The following DOCK9 variants were observed in gnomAD, a reference collection of about 807,000 sequenced individuals.
DOCK9 encodes the protein dedicator of cytokinesis protein 9.
In DOCK9, 89 loss-of-function variants were observed where a neutral mutation model predicts 263.3. That is an observed-to-expected ratio of 0.34 (90% CI 0.28 to 0.40). The LOEUF is 0.40. Among genes scored for constraint, DOCK9 ranks in the 10% least tolerant of loss-of-function variants. The pLI, the probability that DOCK9 is intolerant of heterozygous loss-of-function variation, is 1.00. For synonymous variants in DOCK9, 976 were observed against 973.1 expected (o/e 1.00, Z -0.06); for missense variants, 2,140 against 2,603.4 (o/e 0.82, Z 3.87).
chr13:98,823,859 G>T (rs562968025), intron 45 of DOCK9, among the ~76,000 whole-genome samples: 5 of 152,298 alleles, frequency 3.3e-5, no homozygotes, highest in African/African-American at 1.2e-4. Context: ...GTCTCTGTAG[G>T]GGGTGCGACA....
intron 1 of DOCK9, among the ~76,000 whole-genome samples, chr13:99,082,564 T>TAAAA (rs200598443): frequency 1.4e-3 from 31 of 22,960 alleles, no homozygotes; most frequent in East Asian, 0.012. Context: ...AATAAATAAA[T>TAAAA]AAAAAAAAAC....
At chr13:98,800,174 G>T in intron 50 of DOCK9, 114 bp downstream of exon 50, 1 of 1,136,816 alleles carries the variant, frequency 8.8e-7, no homozygotes, top group Non-Finnish European at 1.2e-6. Flanking sequence ...AGGGAGCAGG[G>T]ATCACTTGGT....
intron 1 of DOCK9, among the ~76,000 whole-genome samples, chr13:99,009,248 T>C (rs1037286926): frequency 3.3e-5 from 5 of 152,190 alleles, no homozygotes; most frequent in Non-Finnish European, 5.9e-5. Flanking sequence ...AGCAGGGCAA[T>C]CTTAGTTATG....
At chr13:98,938,630 T>C (rs2055295952) in intron 2 of DOCK9, among the ~76,000 whole-genome samples, 4 of 152,242 alleles carry the variant, frequency 2.6e-5, no homozygotes, top group African/African-American at 7.2e-5. Flanking sequence ...AGATTCACTA[T>C]GTAGATTTAA....
At chr13:99,048,118 T>A (rs539655116) in intron 1 of DOCK9, among the ~76,000 whole-genome samples, 1 of 152,374 alleles carries the variant, frequency 6.6e-6, no homozygotes, top group East Asian at 1.9e-4. Flanking sequence ...TTCCATTGTA[T>A]TTTAAAGTTA....
intron 1 of DOCK9, among the ~76,000 whole-genome samples, chr13:98,998,756 C>A (rs1881621591): frequency 6.6e-6 from 1 of 152,152 alleles, no homozygotes; most frequent in Admixed American, 6.6e-5. Flanking sequence ...CCTCATCTCA[C>A]CCTCCAATGA....
intron 1 of DOCK9, among the ~76,000 whole-genome samples, chr13:99,064,977 G>A (rs1043405578): frequency 5.9e-5 from 9 of 152,178 alleles, no homozygotes; most frequent in African/African-American, 1.7e-4. Flanking sequence ...ATCTGAAAGC[G>A]AAGGACCAGA....
At chr13:98,879,230 G>A (rs748906336) in intron 27 of DOCK9, among the ~76,000 whole-genome samples, 1 of 152,172 alleles carries the variant, frequency 6.6e-6, no homozygotes, top group Non-Finnish European at 1.5e-5. Context: ...CCAGAGACAA[G>A]ACCAGTCATC....
At chr13:99,015,461 T>G (rs1885252720) in intron 1 of DOCK9, 10 of 1,595,208 alleles carry the variant, frequency 6.3e-6, no homozygotes, top group Non-Finnish European at 7.6e-6. Flanking sequence ...CAGGAGGAGA[T>G]CAATAGTTCT....
At chr13:99,065,050 CCACACTCCCAG>C in intron 1 of DOCK9, among the ~76,000 whole-genome samples, 1 of 152,232 alleles carries the variant, frequency 6.6e-6, no homozygotes, top group African/African-American at 2.4e-5. Context: ...TTCTGCATCA[CCACACTCCCAG>C]CACAGTCACG....
At chr13:99,022,031 T>C (rs1402439431) in intron 1 of DOCK9, among the ~76,000 whole-genome samples, 2 of 152,180 alleles carry the variant, frequency 1.3e-5, no homozygotes, top group Non-Finnish European at 2.9e-5. Flanking sequence ...AAGTACATTT[T>C]AAATAAAAGT....
chr13:98,809,765 GCT>G (rs1229524448), intron 46 of DOCK9, among the ~76,000 whole-genome samples: 6 of 152,160 alleles, frequency 3.9e-5, no homozygotes, highest in Admixed American at 3.9e-4. Context: ...TGCTTTTCCT[GCT>G]CTGTTTGATA....
intron 1 of DOCK9, among the ~76,000 whole-genome samples, chr13:98,956,639 C>T (rs1385342757): frequency 6.6e-6 from 1 of 151,900 alleles, no homozygotes; most frequent in Non-Finnish European, 1.5e-5. Context: ...CCCAGCTACT[C>T]GGGAGGCCGA....
At chr13:98,984,177 G>A (rs151305557) in intron 1 of DOCK9, among the ~76,000 whole-genome samples, 2 of 152,350 alleles carry the variant, frequency 1.3e-5, no homozygotes, top group Non-Finnish European at 2.9e-5. Context: ...GAGGCCTGGA[G>A]TGAGGAGCTA....
At chr13:98,990,240 G>A (rs899526250) in intron 1 of DOCK9, among the ~76,000 whole-genome samples, 3 of 152,148 alleles carry the variant, frequency 2.0e-5, no homozygotes, top group South Asian at 2.1e-4. Context: ...CACGTCTTCC[G>A]TATGCATTCT....
At chr13:98,879,076 C>A (rs981143073) in intron 27 of DOCK9, among the ~76,000 whole-genome samples, 1 of 152,208 alleles carries the variant, frequency 6.6e-6, no homozygotes, top group Non-Finnish European at 1.5e-5. Flanking sequence ...CAGGACTCTG[C>A]AGGTCTCAGA....
Position 98,794,148 on chromosome 13 carries a change from C to A in DOCK9, c.*478G>T, listed in dbSNP as rs2089039901. ...ATTACAATGGTCAGTTCCCTTAGGT[C>A]ATCAAAAACTAGTCACAAAAATAGT... On this transcript the variant is annotated 3_prime_UTR_variant, in exon 53 of 53. Coordinates refer to ENST00000682017, the MANE Select transcript of DOCK9 (RefSeq NM_001366683.2). 1 of 153,454 alleles carries A rather than the reference C, an allele frequency of 6.5e-6. No homozygotes were observed. The highest frequency in any genetic ancestry group is 2.4e-5 in the African/African-American group (1 of 41,466). The allele number at this position is 153,454 out of a possible 1,614,324, so 9.5% of individuals were successfully genotyped here. A position where few individuals can be genotyped will look rare whatever the true frequency, so the allele number is the denominator to read the frequency against.
At chr13:99,078,185 G>A (rs934219815) in intron 1 of DOCK9, among the ~76,000 whole-genome samples, 4 of 152,140 alleles carry the variant, frequency 2.6e-5, no homozygotes, top group Non-Finnish European at 5.9e-5. Context: ...AGAAAAGCAG[G>A]TCTAGGGCGG....
intron 45 of DOCK9, among the ~76,000 whole-genome samples, chr13:98,811,994 G>A (rs2091338955): frequency 6.6e-6 from 1 of 152,100 alleles, no homozygotes; most frequent in African/African-American, 2.4e-5. Context: ...TTCGATGAGA[G>A]ACTATGCTTT....
Sources: gnomAD v4.1 joint callset for allele counts (sites outside exome capture counted in the v4.1 genomes callset) on GRCh38, gnomAD v4.1.1 for gene constraint, MANE v1.5 for transcripts, NCBI Gene and HGNC (gene_info 2026-07-23, HGNC 2026-07-21) for gene names.